Variants in LATS1 observed in about 807,000 individuals in gnomAD.
LATS1 encodes the protein serine/threonine-protein kinase LATS1.
In LATS1, 25 loss-of-function variants were observed where a neutral mutation model predicts 106.6. The ratio of observed to expected loss-of-function variants is 0.23; its 90% CI spans 0.17 to 0.33. The LOEUF is 0.33. LATS1 is among the 10% of genes least tolerant of loss of function. LATS1 has a pLI of 1.00. For synonymous variants in LATS1, 465 were observed against 455.6 expected, an observed-to-expected ratio of 1.02 and a Z score of -0.26; for missense variants, 1,040 against 1,382.6, an observed-to-expected ratio of 0.75 and a Z score of 3.93.
chr6:149,682,968 ATATTT>A (rs1562331287), intron 4 of LATS1, 106 bp downstream of exon 4: 2 of 791,312 alleles, frequency 2.5e-6, no homozygotes, highest in East Asian at 2.8e-5. Flanking sequence ...AACTGATAAT[ATATTT>A]TATTTAGCTA....
In LATS1 at chr6:149,660,572, A is replaced by G; in HGVS notation, c.*1157T>C. 4.3e-6 allele frequency: 1 copy of G among 232,818 alleles called. No individual in the cohort carries two copies. Among genetic ancestry groups the G allele is most frequent in the Non-Finnish European group, 8.5e-6 (1 of 117,812 alleles). 14.4% of individuals were successfully genotyped at this position (232,818 alleles called of 1,614,324 possible). On this transcript the variant is annotated 3_prime_UTR_variant, in exon 8 of 8. Transcript: ENST00000543571. Reference sequence around the variant, plus strand: ...CCTTCCTAAAAGATAAGCTACATGTATTTTGGTATGAAACCTTAATCTTCC... The same window carrying G: ...CCTTCCTAAAAGATAAGCTACATGTGTTTTGGTATGAAACCTTAATCTTCC...
chr6:149,701,875 A>C lies in LATS1; in HGVS notation c.252T>G (p.Ser84=), dbSNP rs1174125739. The C allele has an allele frequency of 1.9e-6, 3 of 1,614,148 alleles. No homozygotes were observed. The highest frequency in any genetic ancestry group is 1.7e-5 in the Admixed American group (1 of 60,012). The change falls in exon 2 of 8, where the codon TCT becomes TCG. Residue 84 remains serine, a synonymous_variant. Transcript: ENST00000543571. ...TTGTTTCATTTGCAAATGGAAGCAG[A>C]GAGTTTCGAATTTCCTGCAAGGCTT... ...HHKALQEIRN[S]LLPFANETNS...
chr6:149,682,804 A>G (rs1782126696), intron 4 of LATS1: 1 of 383,960 alleles, frequency 2.6e-6, no homozygotes, highest in South Asian at 6.2e-5. Flanking sequence ...TTTCATATAA[A>G]GGTATTATGT....
At chr6:149,674,665 C>A (rs1322024304) in intron 7 of LATS1, among the ~76,000 whole-genome samples, 1 of 150,958 alleles carries the variant, frequency 6.6e-6, no homozygotes, top group East Asian at 2.0e-4. Context: ...TGAACCACTG[C>A]ACCCATCCCA....
intron 3 of LATS1, among the ~76,000 whole-genome samples, chr6:149,687,661 G>A (rs1008616949): frequency 3.3e-5 from 5 of 151,998 alleles, no homozygotes; most frequent in African/African-American, 9.7e-5. Context: ...TCAAACTCCT[G>A]GGCTCAAGTG....
At chr6:149,684,640 C>T (rs1782262882) in intron 3 of LATS1, 48 bp from the exon 4 acceptor site, 9 of 1,406,720 alleles carry the variant, frequency 6.4e-6, no homozygotes, top group Non-Finnish European at 8.6e-6. Flanking sequence ...TGTTTTTAAC[C>T]TCTAATTTTT....
intron 1 of LATS1, among the ~76,000 whole-genome samples, chr6:149,710,433 A>C (rs1784025497): frequency 6.6e-6 from 1 of 152,202 alleles, no homozygotes; most frequent in Admixed American, 6.5e-5. Context: ...ATTACTGACC[A>C]AGTCCTGACT....
intron 2 of LATS1, among the ~76,000 whole-genome samples, chr6:149,696,678 G>T (rs1487042989): frequency 6.7e-6 from 1 of 149,338 alleles, no homozygotes; most frequent in African/African-American, 2.5e-5. Context: ...TAGAGATTAC[G>T]TTTTCAGAGA....
chr6:149,660,898 A>C lies in LATS1; in HGVS notation c.*831T>G, dbSNP rs1435092259. On this transcript the variant is annotated 3_prime_UTR_variant, in exon 8 of 8. Transcript: ENST00000543571. ...TACAGGAAAAGTATATGAAAATTAA[A>C]ATAATTATCTGCTTAGGATGGTGAG... 12 of 208,562 alleles carry C rather than the reference A, an allele frequency of 5.8e-5. No individual in the cohort carries two copies. Among genetic ancestry groups the C allele is most frequent in the South Asian group, 3.8e-4 (2 of 5,306 alleles). The allele number at this position is 208,562 out of a possible 1,614,324, so 12.9% of individuals were successfully genotyped here.
At chr6:149,688,410 A>G (rs180950301) in intron 3 of LATS1, among the ~76,000 whole-genome samples, 2,409 of 151,336 alleles carry the variant, frequency 0.016, 30 homozygotes, top group Non-Finnish European at 0.027. Flanking sequence ...CCGGGTTTAA[A>G]TGATTCTCCT....
chr6:149,695,304 C>G, intron 2 of LATS1, 83 bp from the exon 3 acceptor site: 1 of 801,016 alleles, frequency 1.2e-6, no homozygotes, highest in South Asian at 2.0e-5. Flanking sequence ...ATGAGTTCCA[C>G]TAGAGAAATC....
At chr6:149,700,877 G>A (rs1393859374) in intron 2 of LATS1, among the ~76,000 whole-genome samples, 2 of 152,130 alleles carry the variant, frequency 1.3e-5, no homozygotes, top group African/African-American at 2.4e-5. Flanking sequence ...TCTGCCTCCC[G>A]GGTTCAAGAG....
rs1261421446 is a variant in LATS1 at position 149,660,471 on chromosome 6, C to T, written c.*1258G>A. 1 of 232,768 alleles carries T rather than the reference C, an allele frequency of 4.3e-6. No individual in the cohort carries two copies. The highest frequency in any genetic ancestry group is 2.2e-5 in the African/African-American group (1 of 45,240). The allele number at this position is 232,768 out of a possible 1,614,324, so 14.4% of individuals were successfully genotyped here. ...ATAGTAACTTTTGATAAAAACAATC[C>T]CTTATCAGTGGAGCTTAAGAAAAGG... On this transcript the variant is annotated 3_prime_UTR_variant, in exon 8 of 8. Coordinates refer to ENST00000543571, the MANE Select transcript of LATS1 (RefSeq NM_004690.4).
Position 149,683,834 on chromosome 6 carries a change from T to C in LATS1, c.1255A>G (p.Met419Val), listed in dbSNP as rs573677580. 1.2e-5 allele frequency: 19 copies of C among 1,614,120 alleles called. No individual in the cohort carries two copies. Among genetic ancestry groups the C allele is most frequent in the African/African-American group, 9.3e-5 (7 of 75,042 alleles). The change falls in exon 4 of 8, where the codon ATG (methionine) becomes GTG (valine). Residue 419 changes from methionine (M) to valine (V), a missense_variant. Physicochemically the swap from Met to Val is conservative, Grantham distance 21. Coordinates refer to ENST00000543571, the MANE Select transcript of LATS1 (RefSeq NM_004690.4). The stretch of plus-strand genomic sequence containing the variant: ...GGTACACTAATGTTATATAGTTCCA[T>C]GTTATGACTATTTCTGTTTGGCACC... ...MMVPNRNSHN[M>V]ELYNISVPGL...
intron 1 of LATS1, among the ~76,000 whole-genome samples, chr6:149,709,558 C>T (rs1783973176): frequency 6.6e-6 from 1 of 151,884 alleles, no homozygotes; most frequent in South Asian, 2.1e-4. Context: ...CTGGAGGCTT[C>T]CTTTACATAA....
chr6:149,709,551 G>A (rs554941058), intron 1 of LATS1, among the ~76,000 whole-genome samples: 69 of 151,966 alleles, frequency 4.5e-4, no homozygotes, highest in Non-Finnish European at 7.6e-4. Flanking sequence ...CTGCCACCTG[G>A]AGGCTTCCTT....
chr6:149,697,018 A>G (rs2114923020), intron 2 of LATS1: 3 of 589,966 alleles, frequency 5.1e-6, no homozygotes, highest in Non-Finnish European at 8.6e-6. Flanking sequence ...TATGTTTTAT[A>G]TAAACATAAA....
At chr6:149,679,348 T>G (rs1051300875) in intron 5 of LATS1, among the ~76,000 whole-genome samples, 42 of 152,044 alleles carry the variant, frequency 2.8e-4, no homozygotes, top group African/African-American at 1.0e-3. Context: ...GGTCAGGAGT[T>G]CGAGATCAGC....
At chr6:149,706,246 T>C (rs1218962946) in intron 1 of LATS1, among the ~76,000 whole-genome samples, 1 of 128,778 alleles carries the variant, frequency 7.8e-6, no homozygotes, top group African/African-American at 2.9e-5. Flanking sequence ...CTTATGCCTG[T>C]AATCCCAACA....
Sources: gnomAD v4.1 joint callset for allele counts (sites outside exome capture counted in the v4.1 genomes callset) on GRCh38, gnomAD v4.1.1 for gene constraint, MANE v1.5 for transcripts, NCBI Gene and HGNC (gene_info 2026-07-23, HGNC 2026-07-21) for gene names.